Variants in NOSTRIN observed in about 807,000 individuals in gnomAD.
NOSTRIN encodes the protein nitric oxide synthase trafficking, also known as BM247 homolog.
NOSTRIN carries 63 observed loss-of-function variants against 59.0 expected under a neutral mutation model. That is an observed-to-expected ratio of 1.07 (90% CI 0.87 to 1.32). NOSTRIN has a LOEUF of 1.32. Among genes scored for constraint, NOSTRIN ranks in the 40% most tolerant of loss-of-function variants. The pLI, the probability that NOSTRIN is intolerant of heterozygous loss-of-function variation, is 0.00. For synonymous variants in NOSTRIN, 200 were observed against 165.4 expected, an observed-to-expected ratio of 1.21 and a Z score of -1.61; for missense variants, 512 against 473.1, an observed-to-expected ratio of 1.08 and a Z score of -0.76.
Position 168,864,884 on chromosome 2 carries a change from T to A in NOSTRIN, c.1435T>A (p.Ser479Thr), listed in dbSNP as rs748543503. 3.1e-6 allele frequency: 5 copies of A among 1,613,932 alleles called. No individual in the cohort carries two copies. The Admixed American group carries it at 8.3e-5, about 27-fold the overall frequency. ...EKKEGGWWFG[S>T]LNGKKGHFPA... ...AAAAGAAGGAGGATGGTGGTTTGGA[T>A]CTTTGAATGGGAAAAAAGGCCATTT... The change falls in exon 16 of 16, where the codon TCT becomes ACT. Residue 479 changes from serine (S) to threonine (T), a missense_variant. Transcript: ENST00000317647.
At chr2:168,817,641 A>G (rs1686485138) in intron 2 of NOSTRIN, among the ~76,000 whole-genome samples, 2 of 152,124 alleles carry the variant, frequency 1.3e-5, no homozygotes, top group Admixed American at 1.3e-4. Flanking sequence ...ATGAATGCAC[A>G]CTTTAGGCTC....
intron 7 of NOSTRIN, among the ~76,000 whole-genome samples, chr2:168,835,154 A>C (rs988636376): frequency 6.6e-6 from 1 of 151,728 alleles, no homozygotes; most frequent in Admixed American, 6.6e-5. Context: ...GGCTCATTGC[A>C]TCCTCCCACT....
Position 168,819,248 on chromosome 2 carries a change from G to C in NOSTRIN, c.114-5386G>C, listed in dbSNP as rs542743020. Among the ~76,000 whole-genome samples the C allele has an allele frequency of 3.3e-5, 5 of 152,210 alleles. No homozygotes were observed. In the East Asian group the frequency reaches 9.7e-4, roughly 29 times the overall value. On this transcript the variant is annotated intron_variant, in intron 2 of 15. Transcript: ENST00000317647. ...GAGATGAGAAGAAATCATTCTAAGT[G>C]GGGTGTGCCTTGCTGCCTCTGCCTT...
At chr2:168,851,715 T>G (rs1688779339) in intron 10 of NOSTRIN, among the ~76,000 whole-genome samples, 1 of 152,222 alleles carries the variant, frequency 6.6e-6, no homozygotes, top group Non-Finnish European at 1.5e-5. Flanking sequence ...TATCACGTGG[T>G]GCTTAAATTG....
At chr2:168,847,848 T>C (rs1688522195) in intron 8 of NOSTRIN, among the ~76,000 whole-genome samples, 1 of 152,236 alleles carries the variant, frequency 6.6e-6, no homozygotes, top group Non-Finnish European at 1.5e-5. Flanking sequence ...GTGGAATTTA[T>C]TTCCTCCTCT....
intron 7 of NOSTRIN, among the ~76,000 whole-genome samples, chr2:168,836,012 G>C (rs1054362676): frequency 2.0e-5 from 3 of 152,168 alleles, no homozygotes; most frequent in Non-Finnish European, 4.4e-5. Context: ...CAGCACCACT[G>C]CAAACCCCTT....
At chr2:168,863,688 T>C in intron 15 of NOSTRIN, 1 of 982,286 alleles carries the variant, frequency 1.0e-6, no homozygotes, top group Non-Finnish European at 1.2e-6. Flanking sequence ...GTTAAACTTT[T>C]GGCCTGTGAA....
chr2:168,787,201 A>C (rs528865824), intron 1 of NOSTRIN, among the ~76,000 whole-genome samples: 4 of 152,144 alleles, frequency 2.6e-5, no homozygotes, highest in Non-Finnish European at 5.9e-5. Flanking sequence ...CATTTGAGAC[A>C]AAGGGCATAG....
At chr2:168,863,556 T>A (rs771647803) in intron 15 of NOSTRIN, 64 of 985,232 alleles carry the variant, frequency 6.5e-5, no homozygotes, top group Non-Finnish European at 7.6e-5. Context: ...TTCTCTTTAT[T>A]TGAATCATTG....
At chr2:168,864,788 T>C (rs1689750252) in intron 15 of NOSTRIN, 46 bp from the exon 16 acceptor site, 2 of 1,608,100 alleles carry the variant, frequency 1.2e-6, no homozygotes, top group Non-Finnish European at 1.7e-6. Flanking sequence ...GGCTGAGGCA[T>C]GTGTTCACAT....
chr2:168,856,537 T>G (rs546066942), intron 11 of NOSTRIN, 153 bp from the exon 12 acceptor site: 3 of 633,740 alleles, frequency 4.7e-6, no homozygotes, highest in African/African-American at 3.7e-5. Context: ...ATCGCGCCAC[T>G]GCACTCCAGC....
intron 11 of NOSTRIN, 35 bp from the exon 12 acceptor site, chr2:168,856,655 G>T (rs1167448759): frequency 8.2e-6 from 13 of 1,592,596 alleles, no homozygotes; most frequent in Non-Finnish European, 1.0e-5. Context: ...CTGAGACAGT[G>T]TGAAAGGTGA....
chr2:168,811,280 C>T (rs996100614), intron 1 of NOSTRIN: 2 of 187,660 alleles, frequency 1.1e-5, no homozygotes, highest in African/African-American at 2.3e-5. Context: ...TGACAGGAAA[C>T]CAGACTCCAA....
chr2:168,789,120 G>C (rs1188015674), intron 2 of NOSTRIN, among the ~76,000 whole-genome samples: 1 of 152,176 alleles, frequency 6.6e-6, no homozygotes, highest in African/African-American at 2.4e-5. Flanking sequence ...GAAAGCAAAG[G>C]CTGGGTGTGG....
Position 168,864,851 on chromosome 2 carries a change from C to T in NOSTRIN, c.1402C>T (p.His468Tyr), listed in dbSNP as rs373502252. The change falls in exon 16 of 16, where the codon CAC (histidine) becomes TAC (tyrosine). Residue 468 changes from histidine to tyrosine, a missense_variant. Physicochemically the swap from His to Tyr is moderately conservative, Grantham distance 83 (BLOSUM62 2). Coordinates refer to ENST00000317647, the MANE Select transcript of NOSTRIN (RefSeq NM_001039724.4). ...TTTCACAGGTGACATTGTGATTATA[C>T]ACGAGAAAAAAGAAGGAGGATGGTG... The part of the protein sequence containing the change: ...NLEKGDIVII[H>Y]EKKEGGWWFG... 5 of 1,613,818 alleles carry T rather than the reference C, an allele frequency of 3.1e-6. No homozygotes were observed. Among genetic ancestry groups the T allele is most frequent in the East Asian group, 4.5e-5 (2 of 44,858 alleles).
intron 2 of NOSTRIN, among the ~76,000 whole-genome samples, chr2:168,813,652 A>C (rs1203984469): frequency 6.6e-6 from 1 of 152,150 alleles, no homozygotes; most frequent in Non-Finnish European, 1.5e-5. Flanking sequence ...TTGGGTAGCT[A>C]AAGTTATCTC....
At chr2:168,842,508 A>G (rs778787172) in intron 7 of NOSTRIN, among the ~76,000 whole-genome samples, 25 of 152,336 alleles carry the variant, frequency 1.6e-4, no homozygotes, top group South Asian at 1.0e-3. Context: ...AAGTAAAATA[A>G]TATCGCTAGA....
intron 15 of NOSTRIN, chr2:168,863,471 C>CAGATGATCCT: frequency 2.0e-6 from 2 of 985,188 alleles, no homozygotes; most frequent in Non-Finnish European, 2.4e-6. Context: ...CTGACGGGGG[C>CAGATGATCCT]AGATGATCCT....
At chr2:168,790,205 G>A (rs1685312193) in intron 2 of NOSTRIN, among the ~76,000 whole-genome samples, 1 of 152,086 alleles carries the variant, frequency 6.6e-6, no homozygotes, top group South Asian at 2.1e-4. Context: ...ACATGCTATG[G>A]CAACTTTGCC....
Sources: allele counts gnomAD v4.1 joint callset (sites outside exome capture counted in the v4.1 genomes callset), GRCh38; gene constraint gnomAD v4.1.1; transcripts MANE v1.5; gene names NCBI Gene and HGNC (gene_info 2026-07-23, HGNC 2026-07-21).